The following LCLAT1 variants were observed in gnomAD, a reference collection of about 807,000 sequenced individuals.
The protein encoded by LCLAT1 is 1-AGP acyltransferase 8.
LCLAT1 carries 11 observed loss-of-function variants against 30.7 expected under a neutral mutation model. The observed-to-expected ratio is 0.36, with a 90% CI of 0.23 to 0.59. The LOEUF (loss-of-function observed/expected upper bound fraction) is 0.59. Among genes scored for constraint, LCLAT1 ranks in the 20% least tolerant of loss-of-function variants. The pLI is 0.77. For synonymous variants in LCLAT1, 155 were observed against 151.3 expected, an observed-to-expected ratio of 1.02 and a Z score of -0.18; for missense variants, 402 against 458.6, an observed-to-expected ratio of 0.88 and a Z score of 1.13.
chr2:30,548,259 A>G (rs563073924), intron 3 of LCLAT1, among the ~76,000 whole-genome samples: 1 of 152,268 alleles, frequency 6.6e-6, no homozygotes, highest in East Asian at 1.9e-4. Context: ...TTCTGAGCCA[A>G]ATGTGATTGA....
intron 5 of LCLAT1, among the ~76,000 whole-genome samples, chr2:30,580,526 T>G (rs992915373): frequency 1.3e-5 from 2 of 152,176 alleles, no homozygotes; most frequent in Non-Finnish European, 2.9e-5. Context: ...ATATGTAGTT[T>G]AGATGACTGC....
chr2:30,598,236 C>T (rs1667014934), intron 5 of LCLAT1, among the ~76,000 whole-genome samples: 2 of 152,052 alleles, frequency 1.3e-5, no homozygotes, highest in South Asian at 4.1e-4. Flanking sequence ...CTTTTTGTAT[C>T]TCTGGTAGAA....
At chr2:30,528,706 A>G in intron 2 of LCLAT1, among the ~76,000 whole-genome samples, 1 of 152,174 alleles carries the variant, frequency 6.6e-6, no homozygotes, top group East Asian at 1.9e-4. Flanking sequence ...CTTTTGTCTT[A>G]TTAGCTGTTT....
chr2:30,623,351 G>A (rs1558563327), intron 5 of LCLAT1, among the ~76,000 whole-genome samples: 1 of 152,078 alleles, frequency 6.6e-6, no homozygotes, highest in Non-Finnish European at 1.5e-5. Context: ...ACCACACCTG[G>A]CCCTAAGAAA....
At chr2:30,542,639 A>C (rs1009650771) in intron 3 of LCLAT1, among the ~76,000 whole-genome samples, 6 of 152,134 alleles carry the variant, frequency 3.9e-5, no homozygotes, top group Non-Finnish European at 7.4e-5. Context: ...AAAATTCCTC[A>C]GGATTTTTAT....
intron 1 of LCLAT1, among the ~76,000 whole-genome samples, chr2:30,485,903 T>G (rs367887224): frequency 2.8e-4 from 42 of 152,170 alleles, no homozygotes; most frequent in African/African-American, 9.9e-4. Context: ...ATGTTATATG[T>G]TTATAGAATA....
At chr2:30,467,194 G>T (rs576881639) in intron 1 of LCLAT1, among the ~76,000 whole-genome samples, 144 of 152,214 alleles carry the variant, frequency 9.5e-4, no homozygotes, top group Non-Finnish European at 1.6e-3. Flanking sequence ...GTGGTATTTG[G>T]TTTTTTGTCC....
chr2:30,515,291 C>G (rs1685127758), intron 1 of LCLAT1, among the ~76,000 whole-genome samples: 1 of 152,202 alleles, frequency 6.6e-6, no homozygotes, highest in Non-Finnish European at 1.5e-5. Context: ...CAGCATGTAT[C>G]ACAGTGAATT....
At chr2:30,546,606 G>A (rs972889263) in intron 3 of LCLAT1, among the ~76,000 whole-genome samples, 3 of 152,096 alleles carry the variant, frequency 2.0e-5, no homozygotes, top group African/African-American at 7.2e-5. Flanking sequence ...AAATAAATGT[G>A]CCATTGCTAA....
At chr2:30,562,918 C>G (rs1305327324) in intron 4 of LCLAT1, among the ~76,000 whole-genome samples, 1 of 152,118 alleles carries the variant, frequency 6.6e-6, no homozygotes, top group African/African-American at 2.4e-5. Context: ...TTACCTTTCT[C>G]CTGATATTTA....
intron 5 of LCLAT1, among the ~76,000 whole-genome samples, chr2:30,579,930 T>C (rs779382676): frequency 6.6e-6 from 1 of 152,310 alleles, no homozygotes; most frequent in Non-Finnish European, 1.5e-5. Flanking sequence ...AATAAGGCTT[T>C]AGCATCATCA....
At chr2:30,626,887 AC>A (rs1260171571) in intron 5 of LCLAT1, among the ~76,000 whole-genome samples, 2 of 152,044 alleles carry the variant, frequency 1.3e-5, no homozygotes, top group Non-Finnish European at 2.9e-5. Context: ...GGTTATCTAA[AC>A]TTTTTTTAAA....
intron 1 of LCLAT1, among the ~76,000 whole-genome samples, chr2:30,464,518 C>T (rs1450934696): frequency 6.6e-6 from 1 of 152,138 alleles, no homozygotes; most frequent in Non-Finnish European, 1.5e-5. Context: ...AAAATCTTGC[C>T]AACAAAAAGA....
chr2:30,505,477 C>G (rs1261806301), intron 1 of LCLAT1, among the ~76,000 whole-genome samples: 1 of 151,856 alleles, frequency 6.6e-6, no homozygotes, highest in Non-Finnish European at 1.5e-5. Context: ...CAGCATATGT[C>G]TAATTAGATG....
At chr2:30,505,090 C>T (rs72856644) in intron 1 of LCLAT1, among the ~76,000 whole-genome samples, 3,644 of 152,226 alleles carry the variant, frequency 0.024, 131 homozygotes, top group African/African-American at 0.082. Flanking sequence ...TAGCTCTCTC[C>T]CCATCAGTGG....
rs557117866 is a variant in LCLAT1, at chr2:30,626,941, G to T, written c.629-13176G>T. Among the ~76,000 whole-genome samples, 11 of 152,206 alleles carry T rather than the reference G, an allele frequency of 7.2e-5. No homozygotes were observed. The East Asian group carries it at 1.7e-3, about 24-fold the overall frequency. ...ATTTATTTTTATGGAATCTTGATGT[G>T]AGAATGTGCATCATAAAGTCTCAGT... On this transcript the variant is annotated intron_variant, in intron 5 of 5. Coordinates refer to ENST00000379509, the MANE Select transcript of LCLAT1 (RefSeq NM_001002257.3).
intron 1 of LCLAT1, among the ~76,000 whole-genome samples, chr2:30,495,066 G>T (rs185310359): frequency 2.0e-5 from 3 of 147,502 alleles, no homozygotes; most frequent in Admixed American, 6.8e-5. Context: ...TTATAAGATT[G>T]ATTTTGCTTT....
At chr2:30,534,223 G>C (rs1388903482) in intron 3 of LCLAT1, among the ~76,000 whole-genome samples, 2 of 9,108 alleles carry the variant, frequency 2.2e-4, no homozygotes, top group East Asian at 3.5e-3. Context: ...GATTTACTGT[G>C]TGTGTGTGTG....
intron 5 of LCLAT1, among the ~76,000 whole-genome samples, chr2:30,572,747 T>C (rs1665838161): frequency 6.6e-6 from 1 of 151,968 alleles, no homozygotes; most frequent in South Asian, 2.1e-4. Context: ...CTCCCTGATA[T>C]CCTTGGCTCT....
Sources: allele counts gnomAD v4.1 joint callset (sites outside exome capture counted in the v4.1 genomes callset), GRCh38; gene constraint gnomAD v4.1.1; transcripts MANE v1.5; gene names NCBI Gene and HGNC (gene_info 2026-07-23, HGNC 2026-07-21).